The following KIRREL3 variants were observed in gnomAD, a reference collection of about 807,000 sequenced individuals.
The protein encoded by KIRREL3 is kirre like nephrin family adhesion molecule 3, also known as kin of IRRE-like protein 3.
Under a neutral mutation model 89.7 loss-of-function variants are expected in KIRREL3, and 36 were observed. That is an observed-to-expected ratio of 0.40 (90% CI 0.31 to 0.53). The LOEUF (loss-of-function observed/expected upper bound fraction) is 0.53, where lower values mean the gene tolerates loss of function less well. Ranked by LOEUF, KIRREL3 falls within the 20% of genes least tolerant of loss-of-function variation. The pLI is 0.49. For synonymous variants in KIRREL3, 445 were observed against 441.4 expected, an observed-to-expected ratio of 1.01 and a Z score of -0.10; for missense variants, 864 against 1,056.6, an observed-to-expected ratio of 0.82 and a Z score of 2.53.
rs1941394415 is a variant in KIRREL3, at chr11:126,578,883, C to T, written c.56-15971G>A. On this transcript the variant is annotated intron_variant, in intron 1 of 16. Coordinates refer to ENST00000525144, the MANE Select transcript of KIRREL3 (RefSeq NM_032531.4). The surrounding 1 kb of genome is among the most constrained non-coding windows in gnomAD (Gnocchi z 4.9). ...GTATTGACCATCTGTCAGCAAGTAT[C>T]TACCCTGCAAAATACTTTTCACACA... Among the ~76,000 whole-genome samples, 1 of 152,166 alleles carries T rather than the reference C, an allele frequency of 6.6e-6. No homozygotes were observed.
At chr11:126,907,609 G>T (rs1028360693) in intron 1 of KIRREL3, among the ~76,000 whole-genome samples, 1 of 152,166 alleles carries the variant, frequency 6.6e-6, no homozygotes, top group Non-Finnish European at 1.5e-5. Context: ...CTCAAAAAGC[G>T]TTCTGAGTAC....
intron 1 of KIRREL3, among the ~76,000 whole-genome samples, chr11:126,827,367 G>A (rs1943453342): frequency 1.3e-5 from 2 of 151,958 alleles, no homozygotes; most frequent in Non-Finnish European, 2.9e-5. Flanking sequence ...TAGTAGAGAT[G>A]GGGTTTCACC....
rs1949904659 is a variant in KIRREL3, at chr11:126,768,201, CCAT to C, written c.56-205292_56-205290del. Among the ~76,000 whole-genome samples the C allele has an allele frequency of 6.6e-6, 1 of 151,148 alleles. No homozygotes were observed. Among genetic ancestry groups the C allele is most frequent in the Non-Finnish European group, 1.5e-5 (1 of 67,834 alleles). On this transcript the variant is annotated intron_variant, in intron 1 of 16. Coordinates refer to ENST00000525144, the MANE Select transcript of KIRREL3 (RefSeq NM_032531.4). The surrounding 1 kb of genome is among the most constrained non-coding windows in gnomAD (Gnocchi z 4.5). ...TCCATCCATCCATCCATCCATCCAT[CCAT>C]CCATCCATCCATCCATCCATTCAAT...
rs1464783655 is a variant in KIRREL3 at position 126,970,470 on chromosome 11, G to A, written c.55+29985C>T. Among the ~76,000 whole-genome samples the A allele has an allele frequency of 6.6e-6, 1 of 152,168 alleles. No homozygotes were observed. The highest frequency in any genetic ancestry group is 6.5e-5 in the Admixed American group (1 of 15,274). The stretch of plus-strand genomic sequence containing the variant: ...AGCGACATTAGACAAAAAGTAACCA[G>A]TACCATCAATCTTTAAAACCCCTAC... On this transcript the variant is annotated intron_variant, in intron 1 of 16. Transcript: ENST00000525144. This position sits in a 1 kb window ranked among gnomAD's most constrained non-coding sequence, Gnocchi z 4.4.
chr11:126,939,501 C>T (rs1331160143), intron 1 of KIRREL3, among the ~76,000 whole-genome samples: 2 of 152,144 alleles, frequency 1.3e-5, no homozygotes, highest in Admixed American at 6.5e-5. Context: ...ACCTTATTTT[C>T]ACAAGTTCCA....
intron 4 of KIRREL3, among the ~76,000 whole-genome samples, chr11:126,509,621 A>T (rs1424981952): frequency 6.6e-6 from 1 of 152,218 alleles, no homozygotes; most frequent in Non-Finnish European, 1.5e-5. Flanking sequence ...AAAGTTTTGA[A>T]TTAAAGTCAA....
At position 126,782,038 on chromosome 11, in the gene KIRREL3, C is replaced by A. The variant is rs1950341101; in HGVS notation, c.55+218417G>T. 6.6e-6 allele frequency among the ~76,000 whole-genome samples: 1 copy of A among 152,114 alleles called. No individual in the cohort carries two copies. The highest frequency in any genetic ancestry group is 2.1e-4 in the South Asian group (1 of 4,822). Reference sequence around the variant, plus strand: ...GAAAGTTAACACATTGACTAAAATTCACACTAGGATTAAAGCAGAGACAAT... The same window carrying A: ...GAAAGTTAACACATTGACTAAAATTAACACTAGGATTAAAGCAGAGACAAT... On this transcript the variant is annotated intron_variant, in intron 1 of 16. Transcript: ENST00000525144. The surrounding 1 kb of genome is among the most constrained non-coding windows in gnomAD (Gnocchi z 4.1).
chr11:126,737,319 C>A (rs1378316565), intron 1 of KIRREL3, among the ~76,000 whole-genome samples: 1 of 151,916 alleles, frequency 6.6e-6, no homozygotes. Flanking sequence ...GCTGGTGGAT[C>A]CCAGCTCCAA....
At position 126,905,018 on chromosome 11, in the gene KIRREL3, T is replaced by C. The variant is rs1946521125; in HGVS notation, c.55+95437A>G. On this transcript the variant is annotated intron_variant, in intron 1 of 16. Coordinates refer to ENST00000525144, the MANE Select transcript of KIRREL3 (RefSeq NM_032531.4). This position sits in a 1 kb window ranked among gnomAD's most constrained non-coding sequence, Gnocchi z 5.0. Reference sequence around the variant, plus strand: ...TTCAGATGGGTATTTGTGGCAATGCTTCAGAGGGGAGAGACATTTCAAGAG... The same window carrying C: ...TTCAGATGGGTATTTGTGGCAATGCCTCAGAGGGGAGAGACATTTCAAGAG... Among the ~76,000 whole-genome samples, 1 of 152,168 alleles carries C rather than the reference T, an allele frequency of 6.6e-6. No individual in the cohort carries two copies. Among genetic ancestry groups the C allele is most frequent in the South Asian group, 2.1e-4 (1 of 4,832 alleles).
intron 1 of KIRREL3, among the ~76,000 whole-genome samples, chr11:126,702,075 A>G (rs955709966): frequency 1.3e-5 from 2 of 152,210 alleles, no homozygotes; most frequent in Non-Finnish European, 2.9e-5. Flanking sequence ...GGAGCCAAAG[A>G]TACCTGACTG....
At position 126,672,452 on chromosome 11, in the gene KIRREL3, G is replaced by A. The variant is rs746216475; in HGVS notation, c.56-109540C>T. On this transcript the variant is annotated intron_variant, in intron 1 of 16. Transcript: ENST00000525144. ...CATGGATGTATCTTAGATACATATT[G>A]CTAAGTGAAAGAAGCCAGTCTGAAA... 5.9e-5 allele frequency among the ~76,000 whole-genome samples: 9 copies of A among 152,178 alleles called. No homozygotes were observed. The South Asian group carries it at 8.3e-4, about 14-fold the overall frequency.
rs1336905113 is a variant in KIRREL3, at chr11:126,641,193, A to G, written c.56-78281T>C. 6.6e-6 allele frequency among the ~76,000 whole-genome samples: 1 copy of G among 152,108 alleles called. No homozygotes were observed. The stretch of plus-strand genomic sequence containing the variant: ...GATCCTAGACTCTTCTCTTCCTTTC[A>G]CACCCACATCCAATCTGTCAATGTA... On this transcript the variant is annotated intron_variant, in intron 1 of 16. Transcript: ENST00000525144. The surrounding 1 kb of genome is among the most constrained non-coding windows in gnomAD (Gnocchi z 5.0).
intron 1 of KIRREL3, among the ~76,000 whole-genome samples, chr11:126,952,202 A>G (rs1172823452): frequency 2.6e-5 from 4 of 152,186 alleles, no homozygotes; most frequent in Non-Finnish European, 1.5e-5. Flanking sequence ...CCTGGCCTAC[A>G]CAGTGAGACC....
rs186810571 is a variant in KIRREL3, at chr11:126,476,756, C to A, written c.434-3290G>T. On this transcript the variant is annotated intron_variant, in intron 4 of 16. Transcript: ENST00000525144. The surrounding 1 kb of genome is among the most constrained non-coding windows in gnomAD (Gnocchi z 6.4). Reference sequence around the variant, plus strand: ...AGTCGCTCTTGGCAGCTGTGTCTGGCGTGGAAGGGGGCTCCTCATTACCTC... The same window carrying A: ...AGTCGCTCTTGGCAGCTGTGTCTGGAGTGGAAGGGGGCTCCTCATTACCTC... Among the ~76,000 whole-genome samples, 286 of 152,034 alleles carry A rather than the reference C, an allele frequency of 1.9e-3. No homozygotes were observed. The highest frequency in any genetic ancestry group is 5.8e-3 in the African/African-American group (242 of 41,470).
At chr11:126,573,070 T>G (rs585920) in intron 1 of KIRREL3, among the ~76,000 whole-genome samples, 140,736 of 152,078 alleles carry the variant, frequency 0.93, 65,206 homozygotes, top group East Asian at 0.99. Context: ...GGTGGAGATG[T>G]GTGGGCTAAG....
rs1306704549 is a variant in KIRREL3, at chr11:126,652,754, T to A, written c.56-89842A>T. ...ACCAAAGAGTTACTCTTTTTTGAAA[T>A]CTGAATCTCAGATTTTCACTTTCCA... On this transcript the variant is annotated intron_variant, in intron 1 of 16. Transcript: ENST00000525144. This position sits in a 1 kb window ranked among gnomAD's most constrained non-coding sequence, Gnocchi z 4.9. 6.6e-6 allele frequency: 1 copy of A among 152,126 alleles called. No individual in the cohort carries two copies. The highest frequency in any genetic ancestry group is 2.4e-5 in the African/African-American group (1 of 41,406). 9.4% of individuals were successfully genotyped at this position (152,126 alleles called of 1,614,324 possible). A position where few individuals can be genotyped will look rare whatever the true frequency, so the allele number is the denominator to read the frequency against.
intron 1 of KIRREL3, among the ~76,000 whole-genome samples, chr11:126,833,339 G>C (rs1206535958): frequency 6.6e-6 from 1 of 152,208 alleles, no homozygotes; most frequent in Admixed American, 6.5e-5. Flanking sequence ...ATAATTTATA[G>C]TAGACTGGAT....
intron 7 of KIRREL3, among the ~76,000 whole-genome samples, chr11:126,452,520 G>A (rs1956215451): frequency 1.3e-5 from 2 of 152,346 alleles, no homozygotes; most frequent in African/African-American, 4.8e-5. Context: ...GGGCTGGAGG[G>A]TTTGGGCCCA....
At position 126,571,318 on chromosome 11, in the gene KIRREL3, G is replaced by A. The variant is rs1309554914; in HGVS notation, c.56-8406C>T. On this transcript the variant is annotated intron_variant, in intron 1 of 16. Coordinates refer to ENST00000525144, the MANE Select transcript of KIRREL3 (RefSeq NM_032531.4). The surrounding 1 kb of genome is among the most constrained non-coding windows in gnomAD (Gnocchi z 7.7). ...TGACACAGCCATCAGCTTTCTCTGGGGCACTTGGCCATCAACATGGGACCC... is the reference window on the plus strand; with the variant it reads ...TGACACAGCCATCAGCTTTCTCTGGAGCACTTGGCCATCAACATGGGACCC... Among the ~76,000 whole-genome samples, 2 of 152,126 alleles carry A rather than the reference G, an allele frequency of 1.3e-5. No individual in the cohort carries two copies. Among genetic ancestry groups the A allele is most frequent in the African/African-American group, 4.8e-5 (2 of 41,420 alleles).
Sources: gnomAD v4.1 joint callset for allele counts (sites outside exome capture counted in the v4.1 genomes callset) on GRCh38, gnomAD v4.1.1 for gene constraint, Gnocchi (gnomAD v3.1) non-coding constraint, MANE v1.5 for transcripts, NCBI Gene and HGNC (gene_info 2026-07-23, HGNC 2026-07-21) for gene names.